Variants in PCDH1 observed in about 807,000 individuals in gnomAD.
PCDH1 encodes protocadherin-1.
In PCDH1, 23 loss-of-function variants were observed where a neutral mutation model predicts 74.6. The ratio of observed to expected loss-of-function variants is 0.31; its 90% CI spans 0.22 to 0.44. The LOEUF is 0.44. Ranked by LOEUF, PCDH1 falls within the 20% of genes least tolerant of loss-of-function variation. The pLI, the probability that PCDH1 is intolerant of heterozygous loss-of-function variation, is 1.00. For synonymous variants in PCDH1, 647 were observed against 686.1 expected (o/e 0.94, Z 0.89); for missense variants, 1,214 against 1,641.4 (o/e 0.74, Z 4.50).
Position 141,863,729 on chromosome 5 carries a change from T to G in PCDH1, c.2602A>C (p.Ile868Leu). 1 of 1,614,190 alleles carries G rather than the reference T, an allele frequency of 6.2e-7. No individual in the cohort carries two copies. The highest frequency in any genetic ancestry group is 1.1e-5 in the South Asian group (1 of 91,080). ...VAGVVAVALL[I>L]ALAVLVRYCR... is the part of the protein sequence containing the mutation. ...TAGCGCACAAGAACCGCCAGGGCGA[T>G]GAGCAAGGCCACGGCCACCACACCA... Residue 868 changes from isoleucine to leucine, a missense_variant, in exon 3 of 5, where the codon ATC (isoleucine) becomes CTC (leucine). Ile to Leu is a conservative substitution (Grantham distance 5). Coordinates refer to ENST00000287008, the MANE Select transcript of PCDH1 (RefSeq NM_032420.5). This position sits in a 1 kb window ranked among gnomAD's most constrained non-coding sequence, Gnocchi z 7.5.
chr5:141,869,216 C>A lies in PCDH1; in HGVS notation c.256G>T (p.Val86Leu). The change falls in exon 2 of 5, where the codon GTG (valine) becomes TTG (leucine). Residue 86 changes from valine to leucine, a missense_variant. Val to Leu is a conservative substitution (Grantham distance 32, BLOSUM62 1). Coordinates refer to ENST00000287008, the MANE Select transcript of PCDH1 (RefSeq NM_032420.5). This position sits in a 1 kb window ranked among gnomAD's most constrained non-coding sequence, Gnocchi z 4.9. ...ACCTCTAGCTTGTACAGGTGCCCCA[C>A]ATCTGGAAAACCATAGTCGGCTGCG... Reference protein sequence around the residue: ...SLAADYGFPDVGHLYKLEVGA... With the variant: ...SLAADYGFPDLGHLYKLEVGA... The A allele has an allele frequency of 6.2e-7, 1 of 1,614,042 alleles. No individual in the cohort carries two copies. The highest frequency in any genetic ancestry group is 8.5e-7 in the Non-Finnish European group (1 of 1,179,988).
In PCDH1 at chr5:141,878,111, G is replaced by C. The variant is rs1174128287; in HGVS notation, c.40+112C>G. 2 of 1,009,504 alleles carry C rather than the reference G, an allele frequency of 2.0e-6. No homozygotes were observed. The highest frequency in any genetic ancestry group is 3.5e-5 in the East Asian group (1 of 28,366). 62.5% of individuals were successfully genotyped at this position (1,009,504 alleles called of 1,614,324 possible). A position where few individuals can be genotyped will look rare whatever the true frequency, so the allele number is the denominator to read the frequency against. On this transcript the variant is annotated intron_variant, in intron 1 of 4. Transcript: ENST00000287008. This position sits in a 1 kb window ranked among gnomAD's most constrained non-coding sequence, Gnocchi z 5.5. ...ACCTCAGCCCCCTCGCGCCGAGCTC[G>C]TGTTGGGCCCCCGCGGCCTCGCTCC...
In PCDH1 at chr5:141,868,932, G is replaced by A. The variant is rs771558898; in HGVS notation, c.540C>T (p.Asn180=). Residue 180 remains asparagine, a synonymous_variant, in exon 2 of 5, where the codon AAC becomes AAT. Transcript: ENST00000287008. This position sits in a 1 kb window ranked among gnomAD's most constrained non-coding sequence, Gnocchi z 4.8. ...TGGGGAAGAGTGAGCCGATGTTGGT[G>A]TTCTCAGGGATGGCCAGAGTGATGA... ...SPVITLAIPE[N]TNIGSLFPIP... 5 of 1,614,138 alleles carry A rather than the reference G, an allele frequency of 3.1e-6. No homozygotes were observed. In the Admixed American group the frequency reaches 8.3e-5, roughly 27 times the overall value.
chr5:141,863,271 G>C lies in PCDH1; in HGVS notation c.3060C>G (p.Tyr1020Ter). Residue 1020 changes from tyrosine (Y) to a stop codon, truncating the protein, a stop_gained, in exon 3 of 5, where the codon TAC becomes TAG. Transcript: ENST00000287008. LOFTEE classifies it high-confidence loss of function. The surrounding 1 kb of genome is among the most constrained non-coding windows in gnomAD (Gnocchi z 7.5). Reference sequence around the variant, plus strand: ...ATTTGGGGGGGTTGGTGCGGTAGCTGTAGTCGGAGTACTGCTCAGAGCCCG... The same window carrying C: ...ATTTGGGGGGGTTGGTGCGGTAGCTCTAGTCGGAGTACTGCTCAGAGCCCG... Reference protein sequence around the residue: ...TSTGSEQYSDYSYRTNPPKYP... With the variant: ...TSTGSEQYSD 6.3e-7 allele frequency: 1 copy of C among 1,592,016 alleles called. No individual in the cohort carries two copies.
Position 141,874,482 on chromosome 5 carries a change from G to T in PCDH1, c.40+3741C>A, listed in dbSNP as rs531802219. ...CCCTGAGAAGCCAGAGCCTGAGGGG[G>T]AACAGGCGCAGGGACCCATGTCCCT... On this transcript the variant is annotated intron_variant, in intron 1 of 4. Transcript: ENST00000287008. Among the ~76,000 whole-genome samples the T allele has an allele frequency of 5.3e-5, 8 of 152,354 alleles. No homozygotes were observed. The South Asian group carries it at 1.7e-3, about 32-fold the overall frequency.
chr5:141,870,405 T>C (rs1279024796), intron 1 of PCDH1, among the ~76,000 whole-genome samples: 1 of 152,192 alleles, frequency 6.6e-6, no homozygotes, highest in Non-Finnish European at 1.5e-5. Context: ...AGAACTGTGG[T>C]CAGGGCTGAC....
chr5:141,853,936 TG>T lies in PCDH1; in HGVS notation c.*105del. ...TCAGTGATACCCCCACTTGGGGCCC[TG>T]GCCAGGAAGTCCACGCTGAAGGGGT... On this transcript the variant is annotated 3_prime_UTR_variant, in exon 5 of 5. Transcript: ENST00000287008. 1 of 1,075,314 alleles carries T rather than the reference TG, an allele frequency of 9.3e-7. No homozygotes were observed. Among genetic ancestry groups the T allele is most frequent in the Non-Finnish European group, 1.3e-6 (1 of 778,584 alleles). 66.6% of individuals were successfully genotyped at this position (1,075,314 alleles called of 1,614,324 possible).
At position 141,853,538 on chromosome 5, in the gene PCDH1, C is replaced by T. The variant is rs1339652955; in HGVS notation, c.*504G>A. On this transcript the variant is annotated 3_prime_UTR_variant, in exon 5 of 5. Transcript: ENST00000287008. ...CACTCCCACCCCCGTCCCTACCCCA[C>T]CTTTGGTAACAAAAGCCCTTCAGGG... 6.6e-6 allele frequency: 1 copy of T among 152,312 alleles called. No individual in the cohort carries two copies. Among genetic ancestry groups the T allele is most frequent in the Non-Finnish European group, 1.5e-5 (1 of 68,144 alleles). 9.4% of individuals were successfully genotyped at this position (152,312 alleles called of 1,614,324 possible). A position where few individuals can be genotyped will look rare whatever the true frequency, so the allele number is the denominator to read the frequency against.
At position 141,869,091 on chromosome 5, in the gene PCDH1, G is replaced by A. The variant is rs1189658393; in HGVS notation, c.381C>T (p.Leu127=). The A allele has an allele frequency of 3.1e-6, 5 of 1,613,920 alleles. No individual in the cohort carries two copies. Among genetic ancestry groups the A allele is most frequent in the Non-Finnish European group, 4.2e-6 (5 of 1,179,996 alleles). The change falls in exon 2 of 5, where the codon CTC becomes CTT. Residue 127 remains leucine (L), a synonymous_variant. Coordinates refer to ENST00000287008, the MANE Select transcript of PCDH1 (RefSeq NM_032420.5). This position sits in a 1 kb window ranked among gnomAD's most constrained non-coding sequence, Gnocchi z 4.9. ...REGLRECQNQ[L]PGDPCILEFE... is the part of the protein sequence containing the mutation. ...ACTCCAGGATGCAGGGATCACCAGG[G>A]AGCTGGTTCTGGCATTCACGGAGCC...
Position 141,869,181 on chromosome 5 carries a change from C to T in PCDH1, c.291G>A (p.Pro97=), listed in dbSNP as rs751052414. 198 of 1,613,822 alleles carry T rather than the reference C, an allele frequency of 1.2e-4. No homozygotes were observed. The East Asian group carries it at 2.0e-3, about 16-fold the overall frequency. The part of the protein sequence containing the change: ...GHLYKLEVGA[P]YLRVDGKTGD... ...CTGTCTTGCCATCCACGCGAAGGTA[C>T]GGGGCACCCACCTCTAGCTTGTACA... The change falls in exon 2 of 5, where the codon CCG becomes CCA. Residue 97 remains proline, a synonymous_variant. Coordinates refer to ENST00000287008, the MANE Select transcript of PCDH1 (RefSeq NM_032420.5). The surrounding 1 kb of genome is among the most constrained non-coding windows in gnomAD (Gnocchi z 4.9).
Position 141,878,238 on chromosome 5 carries a change from G to T in PCDH1, c.25C>A (p.Arg9Ser), listed in dbSNP as rs1476981956. 4 of 1,378,510 alleles carry T rather than the reference G, an allele frequency of 2.9e-6. No homozygotes were observed. The highest frequency in any genetic ancestry group is 3.7e-6 in the Non-Finnish European group (4 of 1,067,116). The allele number at this position is 1,378,510 out of a possible 1,614,324, so 85.4% of individuals were successfully genotyped here. A position where few individuals can be genotyped will look rare whatever the true frequency, so the allele number is the denominator to read the frequency against. The part of the protein sequence containing the change: MDSGAGGR[R>S]CPEAALLILG... Reference sequence around the variant, plus strand: ...GGATCCTTACCCGCCTCCGGGCAGCGCCGGCCGCCCGCCCCGCTGTCCATG... The same window carrying T: ...GGATCCTTACCCGCCTCCGGGCAGCTCCGGCCGCCCGCCCCGCTGTCCATG... The change falls in exon 1 of 5, where the codon CGC (arginine) becomes AGC (serine). Residue 9 changes from arginine (R) to serine (S), a missense_variant. This residue lies in a region of PCDH1 where 87 missense variants were observed against 87.7 expected (regional missense o/e 0.99). Coordinates refer to ENST00000287008, the MANE Select transcript of PCDH1 (RefSeq NM_032420.5). This position sits in a 1 kb window ranked among gnomAD's most constrained non-coding sequence, Gnocchi z 5.5.
At chr5:141,875,428 A>G (rs1345890657) in intron 1 of PCDH1, among the ~76,000 whole-genome samples, 1 of 152,082 alleles carries the variant, frequency 6.6e-6, no homozygotes, top group Non-Finnish European at 1.5e-5. Flanking sequence ...TGCACCAACT[A>G]TCCTTGCTCA....
At position 141,872,136 on chromosome 5, in the gene PCDH1, C is replaced by A. The variant is rs369406926; in HGVS notation, c.41-2705G>T. Reference sequence around the variant, plus strand: ...ATTTGGATCCACCCCCCACCCCCCCCCTCCACCTGCATGGACCTGGCACAA... The same window carrying A: ...ATTTGGATCCACCCCCCACCCCCCCACTCCACCTGCATGGACCTGGCACAA... On this transcript the variant is annotated intron_variant, in intron 1 of 4. Coordinates refer to ENST00000287008, the MANE Select transcript of PCDH1 (RefSeq NM_032420.5). 7.8e-4 allele frequency among the ~76,000 whole-genome samples: 114 copies of A among 145,914 alleles called. 1 individual carries two copies. In the East Asian group the frequency reaches 0.016, roughly 20 times the overall value.
Position 141,854,275 on chromosome 5 carries a change from G to C in PCDH1, c.3481C>G (p.Arg1161Gly). 5.6e-6 allele frequency: 9 copies of C among 1,613,582 alleles called. No individual in the cohort carries two copies. The highest frequency in any genetic ancestry group is 1.3e-5 in the African/African-American group (1 of 75,026). Residue 1161 changes from arginine to glycine, a missense_variant, in exon 5 of 5, where the codon CGA becomes GGA. Coordinates refer to ENST00000287008, the MANE Select transcript of PCDH1 (RefSeq NM_032420.5). ...GCGCCCGCAGGCTCCTGCCCTCCTC[G>C]GTCCTGGTAAGGCACGAAGGTGGAG... ...KLSTFVPYQD[R>G]GGQEPAGAGS...
chr5:141,866,796 C>T (rs1752860691), intron 2 of PCDH1, among the ~76,000 whole-genome samples: 1 of 152,158 alleles, frequency 6.6e-6, no homozygotes, highest in African/African-American at 2.4e-5. Flanking sequence ...AAAGTGCTCC[C>T]TAAAGAGCAT....
At chr5:141,862,522 TG>T in intron 3 of PCDH1, 2 of 515,764 alleles carry the variant, frequency 3.9e-6, no homozygotes, top group Non-Finnish European at 5.0e-6. Flanking sequence ...TGGGGTACAA[TG>T]GGCAGGTCTA....
At chr5:141,867,854 T>G (rs1264231706) in intron 2 of PCDH1, among the ~76,000 whole-genome samples, 1 of 152,208 alleles carries the variant, frequency 6.6e-6, no homozygotes, top group Non-Finnish European at 1.5e-5. Context: ...CAGAGACGCT[T>G]TCTTTGCTCC....
rs1752208569 is a variant in PCDH1, at chr5:141,853,720, A to G, written c.*322T>C. ...AAGTACGCTGCCCACCCTTGACTCC[A>G]CCATCTGCCCAAATCGAGGGGGTGC... On this transcript the variant is annotated 3_prime_UTR_variant, in exon 5 of 5. Coordinates refer to ENST00000287008, the MANE Select transcript of PCDH1 (RefSeq NM_032420.5). The G allele has an allele frequency of 3.7e-6, 1 of 271,736 alleles. No homozygotes were observed. The highest frequency in any genetic ancestry group is 6.9e-6 in the Non-Finnish European group (1 of 144,304). The allele number at this position is 271,736 out of a possible 1,614,324, so 16.8% of individuals were successfully genotyped here. A position where few individuals can be genotyped will look rare whatever the true frequency, so the allele number is the denominator to read the frequency against.
intron 4 of PCDH1, chr5:141,856,299 T>TA (rs1189918212): frequency 2.2e-6 from 3 of 1,356,784 alleles, no homozygotes; most frequent in African/African-American, 2.9e-5. Flanking sequence ...GGGCATGAGA[T>TA]CGCGCATGGA....
Sources: gnomAD v4.1 joint callset for allele counts (sites outside exome capture counted in the v4.1 genomes callset) on GRCh38, gnomAD v4.1.1 for gene constraint, gnomAD v4.1.1 regional missense constraint, Gnocchi (gnomAD v3.1) non-coding constraint, MANE v1.5 for transcripts, NCBI Gene and HGNC (gene_info 2026-07-23, HGNC 2026-07-21) for gene names.